The following PRR5L variants were observed in gnomAD, a reference collection of about 807,000 sequenced individuals.
The protein encoded by PRR5L is proline-rich protein 5-like.
A neutral mutation model predicts 36.4 loss-of-function variants in PRR5L; 21 were observed. That is an observed-to-expected ratio of 0.58 (90% CI 0.41 to 0.83). PRR5L has a LOEUF of 0.83. Ranked by LOEUF, PRR5L falls within the 40% of genes least tolerant of loss-of-function variation. The probability of loss-of-function intolerance (pLI) is 0.00; values close to 1 mark genes in which losing one functional copy is unlikely to be tolerated. For missense variants in PRR5L, 381 were observed against 473.3 expected (o/e 0.80, Z 1.81); for synonymous variants, 188 against 197.0 (o/e 0.95, Z 0.38).
At chr11:36,424,824 C>A (rs1361236295) in intron 4 of PRR5L, among the ~76,000 whole-genome samples, 2 of 150,954 alleles carry the variant, frequency 1.3e-5, no homozygotes, top group East Asian at 3.9e-4. Flanking sequence ...CCCAAGTGAT[C>A]TGTTTTTTTT....
chr11:36,399,603 T>C (rs1486584166), intron 1 of PRR5L, among the ~76,000 whole-genome samples: 1 of 152,220 alleles, frequency 6.6e-6, no homozygotes, highest in Admixed American at 6.5e-5. Flanking sequence ...TCTTGCATCA[T>C]TAGTTTTTGG....
chr11:36,311,342 G>T (rs970687621), intron 1 of PRR5L, among the ~76,000 whole-genome samples: 6 of 152,150 alleles, frequency 3.9e-5, no homozygotes, highest in Non-Finnish European at 7.4e-5. Context: ...AAGCATTTCT[G>T]GCTTGGATGG....
At chr11:36,369,257 G>A (rs972249059) in intron 1 of PRR5L, among the ~76,000 whole-genome samples, 1 of 152,198 alleles carries the variant, frequency 6.6e-6, no homozygotes, top group Middle Eastern at 3.2e-3. Context: ...TGCTGAGGCT[G>A]AGGCTGAGTG....
chr11:36,346,473 C>T (rs576925729), intron 1 of PRR5L, among the ~76,000 whole-genome samples: 23 of 151,992 alleles, frequency 1.5e-4, no homozygotes, highest in Non-Finnish European at 2.5e-4. Flanking sequence ...GTCCCAGCTA[C>T]TCGGGAGGTT....
chr11:36,345,285 A>C (rs1045386560), intron 1 of PRR5L, among the ~76,000 whole-genome samples: 1 of 152,114 alleles, frequency 6.6e-6, no homozygotes, highest in Non-Finnish European at 1.5e-5. Flanking sequence ...CGATGATGGG[A>C]GGAAGGGAAG....
chr11:36,305,545 G>A (rs1856421480), intron 1 of PRR5L, among the ~76,000 whole-genome samples: 1 of 152,164 alleles, frequency 6.6e-6, no homozygotes. Context: ...TAGGTTCTAT[G>A]GTCTGAATAT....
rs907214306 is a variant in PRR5L at position 36,376,613 on chromosome 11, G to A, written c.-125-24384G>A. Reference sequence around the variant, plus strand: ...GTGAGAAAACTTCCTCGGGAAGACCGGAAACTTTTTCCTAGGCGCGCGGAG... The same window carrying A: ...GTGAGAAAACTTCCTCGGGAAGACCAGAAACTTTTTCCTAGGCGCGCGGAG... On this transcript the variant is annotated intron_variant, in intron 1 of 8. Coordinates refer to ENST00000530639, the MANE Select transcript of PRR5L (RefSeq NM_001160167.2). The A allele has an allele frequency of 6.6e-5, 66 of 992,770 alleles. No individual in the cohort carries two copies. The African/African-American group carries it at 1.0e-3, about 15-fold the overall frequency. The allele number at this position is 992,770 out of a possible 1,614,324, so 61.5% of individuals were successfully genotyped here.
At chr11:36,319,985 TA>T (rs1285402479) in intron 1 of PRR5L, among the ~76,000 whole-genome samples, 1 of 152,126 alleles carries the variant, frequency 6.6e-6, no homozygotes, top group Non-Finnish European at 1.5e-5. Context: ...GGGACTCTAT[TA>T]AGACAAACAG....
At chr11:36,299,875 A>AAACAAC (rs199578894) in intron 1 of PRR5L, among the ~76,000 whole-genome samples, 1 of 152,084 alleles carries the variant, frequency 6.6e-6, no homozygotes, top group African/African-American at 2.4e-5. Context: ...CTATAAAGGT[A>AAACAAC]AACAACAACA....
intron 1 of PRR5L, among the ~76,000 whole-genome samples, chr11:36,357,935 T>A (rs544075967): frequency 6.6e-6 from 1 of 152,338 alleles, no homozygotes; most frequent in Non-Finnish European, 1.5e-5. Flanking sequence ...CTCTGATGGA[T>A]CTGAACAAAG....
intron 7 of PRR5L, among the ~76,000 whole-genome samples, chr11:36,446,847 C>G (rs569009689): frequency 6.6e-6 from 1 of 152,260 alleles, no homozygotes; most frequent in South Asian, 2.1e-4. Context: ...GGGATTACAA[C>G]CAGGAATGAG....
intron 1 of PRR5L, among the ~76,000 whole-genome samples, chr11:36,399,391 A>G (rs1054879541): frequency 6.6e-6 from 1 of 152,052 alleles, no homozygotes; most frequent in African/African-American, 2.4e-5. Context: ...GCCTGCAGAT[A>G]GCTGCTAACA....
rs1278541686 is a variant in PRR5L at position 36,374,089 on chromosome 11, CCTTCCTTCCTTCCTTCCTCT to C, written c.-125-26905_-125-26886del. ...TCCTTCCTTCCTTCCTTCCTTCCTT[CCTTCCTTCCTTCCTTCCTCT>C]CTCTCTCTCTCTCTTTCTTTCTTTG... On this transcript the variant is annotated intron_variant, in intron 1 of 8. Coordinates refer to ENST00000530639, the MANE Select transcript of PRR5L (RefSeq NM_001160167.2). 2.7e-4 allele frequency among the ~76,000 whole-genome samples: 32 copies of C among 118,200 alleles called. No individual in the cohort carries two copies. In the South Asian group the frequency reaches 2.9e-3, roughly 11 times the overall value. 77.5% of individuals were successfully genotyped at this position (118,200 alleles called of 152,430 possible). A position where few individuals can be genotyped will look rare whatever the true frequency, so the allele number is the denominator to read the frequency against.
intron 1 of PRR5L, among the ~76,000 whole-genome samples, chr11:36,307,155 C>G (rs1020360536): frequency 6.6e-6 from 1 of 152,158 alleles, no homozygotes; most frequent in Non-Finnish European, 1.5e-5. Flanking sequence ...CTAGAAGGCA[C>G]CAAAAAGCCC....
intron 1 of PRR5L, chr11:36,376,486 C>T: frequency 9.2e-7 from 1 of 1,085,588 alleles, no homozygotes; most frequent in South Asian, 2.4e-5. Flanking sequence ...CTGGACGGGA[C>T]CCCATCTGAG....
intron 3 of PRR5L, among the ~76,000 whole-genome samples, chr11:36,407,712 A>C (rs1411347533): frequency 1.3e-5 from 2 of 152,248 alleles, no homozygotes; most frequent in Non-Finnish European, 2.9e-5. Context: ...CTGTAGGGTT[A>C]GTATGTACCT....
rs1187090549 is a variant in PRR5L, at chr11:36,346,355, G to A, written c.-126+49917G>A. 4.6e-5 allele frequency among the ~76,000 whole-genome samples: 7 copies of A among 152,080 alleles called. 1 individual carries two copies. Among genetic ancestry groups the A allele is most frequent in the Admixed American group, 2.6e-4 (4 of 15,262 alleles). ...TCCCAGCCCTTTGGGAGGCTGAGGC[G>A]GGTGGATCACGAGGTCAGGAGATCG... On this transcript the variant is annotated intron_variant, in intron 1 of 8. Transcript: ENST00000530639.
chr11:36,310,995 C>CAAAAAAAAAA (rs59947428), intron 1 of PRR5L, among the ~76,000 whole-genome samples: 2 of 88,432 alleles, frequency 2.3e-5, no homozygotes, highest in Non-Finnish European at 2.0e-5. Flanking sequence ...ACTCCGTCTC[C>CAAAAAAAAAA]AAAAAAAAAA....
At chr11:36,382,981 CT>C (rs981410855) in intron 1 of PRR5L, among the ~76,000 whole-genome samples, 7 of 151,722 alleles carry the variant, frequency 4.6e-5, no homozygotes, top group African/African-American at 1.7e-4. Flanking sequence ...GCCTGGAATT[CT>C]TCTCTTTGAC....
Sources: gnomAD v4.1 joint callset for allele counts (sites outside exome capture counted in the v4.1 genomes callset) on GRCh38, gnomAD v4.1.1 for gene constraint, MANE v1.5 for transcripts, NCBI Gene and HGNC (gene_info 2026-07-23, HGNC 2026-07-21) for gene names.